OTOG: variants seen among roughly 807,000 people sequenced by gnomAD.
The protein encoded by OTOG is otogelin.
In OTOG, 296 loss-of-function variants were observed where a neutral mutation model predicts 313.8. The ratio of observed to expected loss-of-function variants is 0.94; its 90% CI spans 0.86 to 1.04. The LOEUF is 1.04. OTOG is among the 50% of genes least tolerant of loss of function. OTOG has a pLI of 0.00. For missense variants in OTOG, 3,948 were observed against 3,840.1 expected (o/e 1.03, Z -0.74); for synonymous variants, 1,533 against 1,554.9 (o/e 0.99, Z 0.33).
In OTOG at chr11:17,641,835, C is replaced by A. The variant is rs11828989; in HGVS notation, c.8191-12C>A. 2.3e-3 allele frequency: 3,607 copies of A among 1,545,652 alleles called. 78 individuals carry two copies. In the African/African-American group the frequency reaches 0.043, roughly 19 times the overall value. On this transcript the variant is annotated splice_polypyrimidine_tract_variant and intron_variant, in intron 51 of 55. Transcript: ENST00000399397. ...GGCATCTGGCTGAGGCCCACCCCGCCCTGGCCTGTAGAACCAGGAGTACGA... is the reference window on the plus strand; with the variant it reads ...GGCATCTGGCTGAGGCCCACCCCGCACTGGCCTGTAGAACCAGGAGTACGA...
intron 24 of OTOG, among the ~76,000 whole-genome samples, chr11:17,590,505 A>T (rs1852905445): frequency 6.6e-6 from 1 of 152,164 alleles, no homozygotes; most frequent in African/African-American, 2.4e-5. Flanking sequence ...CTCTTCCCTG[A>T]TGTGCTGCAG....
At chr11:17,613,093 G>A (rs911560452) in intron 38 of OTOG, among the ~76,000 whole-genome samples, 5 of 152,160 alleles carry the variant, frequency 3.3e-5, no homozygotes, top group African/African-American at 1.2e-4. Context: ...CATGGGTGCT[G>A]GCTGCAGGGA....
At chr11:17,581,168 C>A (rs1478266102) in intron 23 of OTOG, among the ~76,000 whole-genome samples, 1 of 152,114 alleles carries the variant, frequency 6.6e-6, no homozygotes, top group Non-Finnish European at 1.5e-5. Flanking sequence ...AAGTGTTCAT[C>A]CAAGAGGAAT....
chr11:17,634,040 C>T, intron 43 of OTOG, 29 bp from the exon 44 acceptor site: 1 of 1,533,314 alleles, frequency 6.5e-7, no homozygotes, highest in Non-Finnish European at 8.8e-7. Flanking sequence ...CTTCCTCAGT[C>T]CCTCGCACCC....
intron 23 of OTOG, among the ~76,000 whole-genome samples, chr11:17,579,999 T>C (rs1852629650): frequency 1.3e-5 from 2 of 152,294 alleles, no homozygotes; most frequent in South Asian, 2.1e-4. Flanking sequence ...TTTCCTACCA[T>C]CCTGGAACAT....
intron 54 of OTOG, among the ~76,000 whole-genome samples, chr11:17,644,888 G>T (rs934722316): frequency 2.0e-5 from 3 of 152,144 alleles, no homozygotes; most frequent in Non-Finnish European, 4.4e-5. Context: ...CTTTAAGAAG[G>T]GGAATCAGGT....
At chr11:17,558,956 G>C (rs1852115967) in intron 10 of OTOG, 96 bp from the exon 11 acceptor site, 3 of 983,136 alleles carry the variant, frequency 3.1e-6, no homozygotes, top group African/African-American at 1.6e-5. Flanking sequence ...GTGGAGAGGA[G>C]AGATGCCCTG....
At chr11:17,621,917 T>C (rs1853874700) in intron 39 of OTOG, among the ~76,000 whole-genome samples, 1 of 152,252 alleles carries the variant, frequency 6.6e-6, no homozygotes, top group African/African-American at 2.4e-5. Context: ...TTACTCCACC[T>C]TGGTTAGAAA....
Position 17,572,180 on chromosome 11 carries a change from C to T in OTOG, c.2056C>T (p.Pro686Ser). Residue 686 changes from proline to serine, a missense_variant, in exon 18 of 56, where the codon CCC becomes TCC. By Grantham distance (74) the Pro-to-Ser change is moderately conservative (BLOSUM62 -1). Transcript: ENST00000399397. ...GCTGGTCTCTGGCTCCCCTCTGGAC[C>T]CCTGCGATGTGCACCTGCAAGCCGG... is the stretch of plus-strand genomic sequence containing the variant. ...SPLVSGSPLD[P>S]CDVHLQAASY... 4 of 1,550,398 alleles carry T rather than the reference C, an allele frequency of 2.6e-6. No individual in the cohort carries two copies. The highest frequency in any genetic ancestry group is 2.4e-5 in the East Asian group (1 of 40,882).
rs1403119461 is a variant in OTOG at position 17,576,586 on chromosome 11, G to A, written c.2517G>A (p.Val839=). Residue 839 remains valine, a synonymous_variant, in exon 21 of 56, where the codon GTG becomes GTA. Transcript: ENST00000399397. ...RNQCSCHFQG[V]DYPPGDSDIP... ...AGTGCTCCTGCCACTTCCAGGGAGT[G>A]GACTATCCCCCCGGAGACAGTGACA... 3.2e-6 allele frequency: 5 copies of A among 1,550,528 alleles called. 1 individual carries two copies. The South Asian group carries it at 5.9e-5, about 18-fold the overall frequency.
Position 17,639,464 on chromosome 11 carries a change from G to T in OTOG, c.7935+1G>T, listed in dbSNP as rs1289449788. On this transcript the variant is annotated splice_donor_variant, in intron 49 of 55. Coordinates refer to ENST00000399397, the MANE Select transcript of OTOG (RefSeq NM_001292063.2). LOFTEE classifies it high-confidence loss of function. ...AATCCCGGTGCCCCGGTGCCATCTGGTATGGAGACGCTCCTCCCCCAACAC... is the reference window on the plus strand; with the variant it reads ...AATCCCGGTGCCCCGGTGCCATCTGTTATGGAGACGCTCCTCCCCCAACAC... 3 of 1,550,664 alleles carry T rather than the reference G, an allele frequency of 1.9e-6. No individual in the cohort carries two copies. The highest frequency in any genetic ancestry group is 1.2e-5 in the South Asian group (1 of 84,050).
chr11:17,597,387 C>G (rs963323141), intron 30 of OTOG, among the ~76,000 whole-genome samples: 9 of 152,156 alleles, frequency 5.9e-5, no homozygotes, highest in African/African-American at 2.2e-4. Flanking sequence ...CCCAACCTCT[C>G]TAGGGCTCAA....
rs1414362939 is a variant in OTOG, at chr11:17,599,655, G to C, written c.3683-16G>C. 5 of 1,550,488 alleles carry C rather than the reference G, an allele frequency of 3.2e-6. No homozygotes were observed. Among genetic ancestry groups the C allele is most frequent in the African/African-American group, 1.4e-5 (1 of 73,028 alleles). On this transcript the variant is annotated splice_polypyrimidine_tract_variant and intron_variant, in intron 30 of 55. Coordinates refer to ENST00000399397, the MANE Select transcript of OTOG (RefSeq NM_001292063.2). ...CTGGGCTGGCTCTCAGGAAGTTCCT[G>C]TTCTCTCTCTTTCAGCGTATGACTG...
intron 28 of OTOG, 98 bp downstream of exon 28, chr11:17,594,264 G>A: frequency 1.4e-6 from 2 of 1,454,624 alleles, no homozygotes; most frequent in South Asian, 1.3e-5. Context: ...ATGCTGGTGT[G>A]AGGTTTCTCC....
intron 33 of OTOG, among the ~76,000 whole-genome samples, chr11:17,606,901 A>G (rs1196864370): frequency 6.6e-6 from 1 of 152,300 alleles, no homozygotes; most frequent in South Asian, 2.1e-4. Flanking sequence ...TAAACTTGAC[A>G]TGGGACAGAT....
At chr11:17,588,987 T>C (rs940589532) in intron 24 of OTOG, among the ~76,000 whole-genome samples, 2 of 152,106 alleles carry the variant, frequency 1.3e-5, no homozygotes, top group African/African-American at 4.8e-5. Flanking sequence ...TGTCTCCCCT[T>C]CCCTTTTACC....
rs183736114 is a variant in OTOG, at chr11:17,603,859, G to A, written c.3877+1482G>A. Among the ~76,000 whole-genome samples the A allele has an allele frequency of 2.0e-3, 299 of 152,326 alleles. 1 individual carries two copies. The highest frequency in any genetic ancestry group is 5.3e-3 in the African/African-American group (220 of 41,570). ...CCACCACAGCCTGACACAGGTCACC[G>A]GGGTGCTAGTGTTACCTGAAGATTT... is the stretch of plus-strand genomic sequence containing the variant. On this transcript the variant is annotated intron_variant, in intron 32 of 55. Transcript: ENST00000399397.
chr11:17,610,323 G>T lies in OTOG; in HGVS notation c.5023G>T (p.Val1675Phe), dbSNP rs747132031. Residue 1675 changes from valine to phenylalanine, a missense_variant, in exon 36 of 56, where the codon GTC becomes TTC. Val to Phe is a conservative substitution (Grantham distance 50). Transcript: ENST00000399397. ...TGTGCTGACACCTGCAGTAACTAAG[G>T]TCATAAGCAGGACAGGGGTCCCCCA... ...KAVLTPAVTK[V>F]ISRTGVPQPT... 1 of 1,550,706 alleles carries T rather than the reference G, an allele frequency of 6.4e-7. No individual in the cohort carries two copies. Among genetic ancestry groups the T allele is most frequent in the Non-Finnish European group, 8.7e-7 (1 of 1,147,000 alleles).
chr11:17,571,955 A>G (rs921424826), intron 17 of OTOG, 125 bp from the exon 18 acceptor site: 71 of 1,286,830 alleles, frequency 5.5e-5, no homozygotes, highest in Non-Finnish European at 7.2e-5. Flanking sequence ...GTGTGTGTAT[A>G]TGGATGTGTA....
Sources: allele counts gnomAD v4.1 joint callset (sites outside exome capture counted in the v4.1 genomes callset), GRCh38; gene constraint gnomAD v4.1.1; transcripts MANE v1.5; gene names NCBI Gene and HGNC (gene_info 2026-07-23, HGNC 2026-07-21).